The following GABPB2 variants were observed in gnomAD, a reference collection of about 807,000 sequenced individuals.
GABPB2 encodes the protein GA-binding protein subunit beta-2.
In GABPB2, 23 loss-of-function variants were observed where a neutral mutation model predicts 39.1. The ratio of observed to expected loss-of-function variants is 0.59; its 90% confidence interval spans 0.42 to 0.83. GABPB2 has a LOEUF of 0.83. Among genes scored for constraint, GABPB2 ranks in the 40% least tolerant of loss-of-function variants. The probability of loss-of-function intolerance (pLI) is 0.00; values close to 1 mark genes in which losing one functional copy is unlikely to be tolerated. For missense variants in GABPB2, 467 were observed against 541.1 expected, an observed-to-expected ratio of 0.86 and a Z score of 1.36; for synonymous variants, 184 against 199.3, an observed-to-expected ratio of 0.92 and a Z score of 0.65.
intron 1 of GABPB2, among the ~76,000 whole-genome samples, chr1:151,081,940 A>G (rs1677739976): frequency 6.6e-6 from 1 of 152,040 alleles, no homozygotes; most frequent in Non-Finnish European, 1.5e-5. Context: ...CCCAGTTGAT[A>G]GCTTCATTCT....
intron 3 of GABPB2, among the ~76,000 whole-genome samples, chr1:151,091,953 A>G (rs972064620): frequency 2.0e-5 from 3 of 150,550 alleles, no homozygotes; most frequent in Admixed American, 2.0e-4. Context: ...CAGCTAATTT[A>G]TTTTTGTTTT....
chr1:151,105,020 C>T (rs1424670072), intron 6 of GABPB2, among the ~76,000 whole-genome samples: 1 of 151,900 alleles, frequency 6.6e-6, no homozygotes, highest in Non-Finnish European at 1.5e-5. Flanking sequence ...AATTCTCCTG[C>T]CTCAGCCTCC....
rs1418296565 is a variant in GABPB2, at chr1:151,118,510, A to AAGT, written c.*256_*258dup. 7.9e-6 allele frequency: 3 copies of AAGT among 380,682 alleles called. No homozygotes were observed. Among genetic ancestry groups the AAGT allele is most frequent in the African/African-American group, 6.1e-5 (3 of 48,858 alleles). 23.6% of individuals were successfully genotyped at this position (380,682 alleles called of 1,614,324 possible). Reference sequence around the variant, plus strand: ...GCTCATATCATTGCTTTAAACATAGAAGTAAAAGAATACTGCATGTTGTGG... The same window carrying AAGT: ...GCTCATATCATTGCTTTAAACATAGAAGTAGTAAAAGAATACTGCATGTTGTGG... On this transcript the variant is annotated 3_prime_UTR_variant, in exon 9 of 9. Coordinates refer to ENST00000368918, the MANE Select transcript of GABPB2 (RefSeq NM_144618.3).
At chr1:151,111,615 G>A (rs1221012334) in intron 7 of GABPB2, among the ~76,000 whole-genome samples, 10 of 150,920 alleles carry the variant, frequency 6.6e-5, no homozygotes, top group Non-Finnish European at 1.2e-4. Context: ...TAGTAGAGAT[G>A]GGGTTTCACT....
Position 151,117,410 on chromosome 1 carries a change from G to T in GABPB2, c.941G>T (p.Gly314Val), listed in dbSNP as rs780275573. 2 of 1,613,798 alleles carry T rather than the reference G, an allele frequency of 1.2e-6. No individual in the cohort carries two copies. Among genetic ancestry groups the T allele is most frequent in the South Asian group, 2.2e-5 (2 of 91,076 alleles). ...CTTGTAGTTCTAACTGTACCTGCTG[G>T]TAAGGTTGCAGAGGAGACTGTAATT... ...DGQQVLTVPA[G>V]KVAEETVIKE... The change falls in exon 8 of 9, where the codon GGT (glycine) becomes GTT (valine). Residue 314 changes from glycine to valine, a missense_variant. Gly to Val is a moderately radical substitution (Grantham distance 109). Transcript: ENST00000368918.
intron 1 of GABPB2, among the ~76,000 whole-genome samples, chr1:151,083,351 G>C (rs941997307): frequency 6.6e-6 from 1 of 152,180 alleles, no homozygotes; most frequent in Non-Finnish European, 1.5e-5. Flanking sequence ...CTGTCAATTG[G>C]CTGGGCGCGG....
chr1:151,117,621 T>C, intron 8 of GABPB2, 105 bp downstream of exon 8: 1 of 1,264,466 alleles, frequency 7.9e-7, no homozygotes. Context: ...TCTTGCTGTG[T>C]TGCCCAGGCT....
chr1:151,089,747 C>A lies in GABPB2; in HGVS notation c.109-659C>A, dbSNP rs192689724. Among the ~76,000 whole-genome samples the A allele has an allele frequency of 3.3e-5, 5 of 152,256 alleles. No individual in the cohort carries two copies. In the East Asian group the frequency reaches 9.7e-4, roughly 29 times the overall value. On this transcript the variant is annotated intron_variant, in intron 2 of 8. Coordinates refer to ENST00000368918, the MANE Select transcript of GABPB2 (RefSeq NM_144618.3). ...TCAAGCAGTCCTCCTGCCTTGACCT[C>A]CCAAAGTGCTGGGATTGCAGGCATG...
intron 7 of GABPB2, among the ~76,000 whole-genome samples, chr1:151,117,007 C>G (rs1298209679): frequency 6.6e-6 from 1 of 152,280 alleles, no homozygotes; most frequent in African/African-American, 2.4e-5. Flanking sequence ...TGCATGGCTT[C>G]CAAGCCTGCA....
intron 5 of GABPB2, among the ~76,000 whole-genome samples, chr1:151,102,694 G>A (rs1298663562): frequency 2.0e-5 from 3 of 152,208 alleles, no homozygotes; most frequent in Non-Finnish European, 2.9e-5. Context: ...CATCCGCCTC[G>A]GCCTCCCAAA....
intron 7 of GABPB2, among the ~76,000 whole-genome samples, chr1:151,108,676 C>G (rs1365636050): frequency 1.3e-5 from 2 of 152,058 alleles, no homozygotes; most frequent in African/African-American, 2.4e-5. Context: ...TATATTCAGA[C>G]TGAGGCTATA....
chr1:151,110,418 T>C (rs587606180), intron 7 of GABPB2, among the ~76,000 whole-genome samples: 1 of 152,206 alleles, frequency 6.6e-6, no homozygotes, highest in South Asian at 2.1e-4. Flanking sequence ...AAATGAAAAC[T>C]GAGTTGTTTT....
At chr1:151,094,578 AC>A (rs1267258040) in intron 4 of GABPB2, among the ~76,000 whole-genome samples, 1 of 149,918 alleles carries the variant, frequency 6.7e-6, no homozygotes, top group Non-Finnish European at 1.5e-5. Flanking sequence ...TGAACCCCTG[AC>A]CTCAGGTGAT....
At chr1:151,091,230 G>A (rs151219574) in intron 3 of GABPB2, among the ~76,000 whole-genome samples, 2,285 of 149,410 alleles carry the variant, frequency 0.015, 61 homozygotes, top group African/African-American at 0.053. Context: ...TGGGATTACA[G>A]GCGCCCGCCA....
At position 151,088,335 on chromosome 1, in the gene GABPB2, G is replaced by A. The variant is rs756329395; in HGVS notation, c.108+38G>A. 1.5e-5 allele frequency: 23 copies of A among 1,532,372 alleles called. No homozygotes were observed. In the Admixed American group the frequency reaches 4.3e-4, roughly 29 times the overall value. 94.9% of individuals were successfully genotyped at this position (1,532,372 alleles called of 1,614,324 possible). A position where few individuals can be genotyped will look rare whatever the true frequency, so the allele number is the denominator to read the frequency against. On this transcript the variant is annotated intron_variant, in intron 2 of 8. Coordinates refer to ENST00000368918, the MANE Select transcript of GABPB2 (RefSeq NM_144618.3). ...GAGAGGTCTCTTAATTATTTCCAAT[G>A]TATGCTTTTACCAACATTTTTCTTA...
At chr1:151,097,789 AAG>A (rs1679207056) in intron 4 of GABPB2, 61 bp from the exon 5 acceptor site, 1 of 1,507,020 alleles carries the variant, frequency 6.6e-7, no homozygotes, top group Non-Finnish European at 9.0e-7. Flanking sequence ...AAAAAAAAAA[AAG>A]AAAGACAGAA....
At chr1:151,078,518 G>A (rs1188705371) in intron 1 of GABPB2, among the ~76,000 whole-genome samples, 1 of 151,772 alleles carries the variant, frequency 6.6e-6, no homozygotes, top group Non-Finnish European at 1.5e-5. Context: ...GCATGAATCC[G>A]GGAGACGGAG....
chr1:151,072,423 A>G (rs1341270094), intron 1 of GABPB2, among the ~76,000 whole-genome samples: 1 of 151,964 alleles, frequency 6.6e-6, no homozygotes, highest in Non-Finnish European at 1.5e-5. Flanking sequence ...TGGGCGTGGT[A>G]GTGCCCACTG....
chr1:151,093,683 T>A (rs1423263564), intron 4 of GABPB2, among the ~76,000 whole-genome samples: 1 of 151,608 alleles, frequency 6.6e-6, no homozygotes, highest in East Asian at 1.9e-4. Context: ...ATGTTGTGGC[T>A]AGTACCAAAA....
Sources: allele counts gnomAD v4.1 joint callset (sites outside exome capture counted in the v4.1 genomes callset), GRCh38; gene constraint gnomAD v4.1.1; transcripts MANE v1.5; gene names NCBI Gene and HGNC (gene_info 2026-07-23, HGNC 2026-07-21).